The following LINGO2 variants were observed in gnomAD, a reference collection of about 807,000 sequenced individuals.
The protein encoded by LINGO2 is leucine-rich repeat and immunoglobulin-like domain-containing nogo receptor-interacting protein 2.
A neutral mutation model predicts 30.6 loss-of-function variants in LINGO2; 14 were observed. That is an observed-to-expected ratio of 0.46 (90% confidence interval 0.30 to 0.72). The LOEUF is 0.72. Ranked by LOEUF, LINGO2 falls within the 30% of genes least tolerant of loss-of-function variation. The pLI is 0.07. For missense variants in LINGO2, 729 were observed against 751.7 expected (o/e 0.97, Z 0.35); for synonymous variants, 317 against 288.5 (o/e 1.10, Z -1.00).
At chr9:28,828,400 C>A in the LINGO2 span, among the ~76,000 whole-genome samples, 2 of 151,746 alleles carry the variant, frequency 1.3e-5, no homozygotes, top group Non-Finnish European at 2.9e-5. Context: ...TATAATACAC[C>A]AAAAACTGGT....
At chr9:28,364,488 G>A (rs1820582110) in intron 3 of LINGO2, among the ~76,000 whole-genome samples, 1 of 152,100 alleles carries the variant, frequency 6.6e-6, no homozygotes, top group Non-Finnish European at 1.5e-5. Flanking sequence ...TGTGCTTAAT[G>A]TCTAAGATGT....
the LINGO2 span, among the ~76,000 whole-genome samples, chr9:28,938,341 C>T: frequency 1.3e-5 from 2 of 152,126 alleles, no homozygotes; most frequent in African/African-American, 4.8e-5. Context: ...TATGCATTGG[C>T]TTAGAATTTT....
At chr9:28,557,938 T>C (rs1258933325) in intron 1 of LINGO2, among the ~76,000 whole-genome samples, 2 of 141,880 alleles carry the variant, frequency 1.4e-5, no homozygotes, top group South Asian at 2.2e-4. Context: ...TATGTGGGAA[T>C]TGAACAATGA....
At chr9:28,769,681 C>A in the LINGO2 span, among the ~76,000 whole-genome samples, 4 of 139,624 alleles carry the variant, frequency 2.9e-5, no homozygotes, top group Non-Finnish European at 3.1e-5. Flanking sequence ...TTTTCAGGAA[C>A]TTTTTTTTTT....
At chr9:28,032,658 C>T (rs1029698256) in intron 4 of LINGO2, among the ~76,000 whole-genome samples, 4 of 152,184 alleles carry the variant, frequency 2.6e-5, no homozygotes, top group Non-Finnish European at 4.4e-5. Context: ...TCCTGCCCAT[C>T]GTCCCAGAAC....
chr9:28,020,785 T>C (rs1823079153), intron 4 of LINGO2, among the ~76,000 whole-genome samples: 1 of 152,174 alleles, frequency 6.6e-6, no homozygotes, highest in Non-Finnish European at 1.5e-5. Flanking sequence ...CTTTTGAGGA[T>C]TTAGTCCACT....
At chr9:28,178,769 G>A (rs981269322) in intron 4 of LINGO2, among the ~76,000 whole-genome samples, 1 of 152,052 alleles carries the variant, frequency 6.6e-6, no homozygotes, top group African/African-American at 2.4e-5. Flanking sequence ...AATGCATATC[G>A]TGAATATTAT....
intron 5 of LINGO2, among the ~76,000 whole-genome samples, chr9:28,009,943 A>G (rs956650247): frequency 2.0e-5 from 3 of 152,224 alleles, no homozygotes; most frequent in East Asian, 3.8e-4. Flanking sequence ...ACCATTTTTC[A>G]TAATAGCCAA....
intron 4 of LINGO2, among the ~76,000 whole-genome samples, chr9:28,258,368 A>G (rs1822450731): frequency 1.3e-5 from 2 of 151,936 alleles, no homozygotes; most frequent in Admixed American, 6.6e-5. Context: ...GTGAGGTCTG[A>G]GGAATAAATG....
intron 1 of LINGO2, among the ~76,000 whole-genome samples, chr9:28,582,509 C>A (rs1203405699): frequency 6.6e-6 from 1 of 152,026 alleles, no homozygotes; most frequent in Non-Finnish European, 1.5e-5. Context: ...CCAGTGACAG[C>A]CACATGCTTC....
intron 4 of LINGO2, among the ~76,000 whole-genome samples, chr9:28,075,054 G>T (rs1478475957): frequency 6.6e-6 from 1 of 151,750 alleles, no homozygotes; most frequent in Non-Finnish European, 1.5e-5. Context: ...CATCACTGAA[G>T]TTTCTCATGA....
At chr9:28,869,800 C>A in the LINGO2 span, among the ~76,000 whole-genome samples, 1 of 151,936 alleles carries the variant, frequency 6.6e-6, no homozygotes, top group Non-Finnish European at 1.5e-5. Context: ...CCCACTGTTG[C>A]ACCTACTACA....
At chr9:29,163,167 A>G in the LINGO2 span, among the ~76,000 whole-genome samples, 1 of 152,226 alleles carries the variant, frequency 6.6e-6, no homozygotes, top group East Asian at 1.9e-4. Context: ...AATACTCATC[A>G]TGCCAAAATG....
chr9:28,189,281 G>A (rs12683822), intron 4 of LINGO2, among the ~76,000 whole-genome samples: 7,764 of 30,664 alleles, frequency 0.25, 668 homozygotes, highest in Middle Eastern at 0.33. Context: ...GGAAGGGAGG[G>A]AGGGAGGGAG....
At chr9:28,404,439 G>T (rs1008857178) in intron 2 of LINGO2, among the ~76,000 whole-genome samples, 16 of 152,022 alleles carry the variant, frequency 1.1e-4, no homozygotes, top group Admixed American at 1.0e-3. Context: ...AAAACTGAAA[G>T]TCTCATAGAT....
the LINGO2 span, among the ~76,000 whole-genome samples, chr9:29,203,721 T>C: frequency 6.6e-6 from 1 of 152,204 alleles, no homozygotes; most frequent in Non-Finnish European, 1.5e-5. Flanking sequence ...TTCTGGTCCC[T>C]GGCCACTTAA....
chr9:28,754,312 T>C, the LINGO2 span, among the ~76,000 whole-genome samples: 1 of 152,048 alleles, frequency 6.6e-6, no homozygotes, highest in Non-Finnish European at 1.5e-5. Flanking sequence ...ACTCATGTGG[T>C]GTTAGAGATC....
the LINGO2 span, among the ~76,000 whole-genome samples, chr9:28,877,920 T>A: frequency 3.3e-5 from 5 of 152,182 alleles, no homozygotes; most frequent in African/African-American, 7.2e-5. Context: ...TATCCTCTTT[T>A]ATTTCATTGA....
the LINGO2 span, among the ~76,000 whole-genome samples, chr9:28,938,054 C>G: frequency 2.6e-5 from 4 of 152,148 alleles, no homozygotes; most frequent in Admixed American, 2.6e-4. Context: ...GTTTTCTGTT[C>G]CTGTGTTAAA....
Sources: allele counts gnomAD v4.1 joint callset (sites outside exome capture counted in the v4.1 genomes callset), GRCh38; gene constraint gnomAD v4.1.1; transcripts MANE v1.5; gene names NCBI Gene and HGNC (gene_info 2026-07-23, HGNC 2026-07-21).